The following RYR2 variants were observed in gnomAD, a reference collection of about 807,000 sequenced individuals.
RYR2 encodes ryanodine receptor 2.
RYR2 carries 227 observed loss-of-function variants against 601.1 expected under a neutral mutation model. The ratio of observed to expected loss-of-function variants is 0.38; its 90% CI spans 0.34 to 0.42. The LOEUF is 0.42. Ranked by LOEUF, RYR2 falls within the 10% of genes least tolerant of loss-of-function variation. The probability of loss-of-function intolerance (pLI) is 1.00; values close to 1 mark genes in which losing one functional copy is unlikely to be tolerated. For synonymous variants in RYR2, 2,223 were observed against 2,175.1 expected (o/e 1.02, Z -0.61); for missense variants, 4,646 against 6,156.5 (o/e 0.75, Z 8.21).
At chr1:237,671,534 T>C (rs1359186200) in intron 58 of RYR2, among the ~76,000 whole-genome samples, 2 of 151,672 alleles carry the variant, frequency 1.3e-5, no homozygotes, top group East Asian at 3.9e-4. Context: ...TGTGTGTGTG[T>C]GTGTGCGTGT....
rs1160004017 is a variant in RYR2, at chr1:237,268,935, CAAAAAAAA to C, written c.49-1543_49-1536del. Among the ~76,000 whole-genome samples the C allele has an allele frequency of 5.5e-4, 9 of 16,218 alleles. No individual in the cohort carries two copies. The East Asian group carries it at 0.011, about 20-fold the overall frequency. 10.6% of individuals were successfully genotyped at this position (16,218 alleles called of 152,430 possible). A position where few individuals can be genotyped will look rare whatever the true frequency, so the allele number is the denominator to read the frequency against. On this transcript the variant is annotated intron_variant, in intron 1 of 104. Transcript: ENST00000366574. ...TGGTGACAGAGGAAGACTCTTGTCT[CAAAAAAAA>C]AAAAAAAAAAAAAAAAAAGGAAATA...
chr1:237,512,099 C>T (rs1665976589), intron 24 of RYR2, among the ~76,000 whole-genome samples: 1 of 152,068 alleles, frequency 6.6e-6, no homozygotes, highest in Non-Finnish European at 1.5e-5. Context: ...AGAATGTGGG[C>T]TGTGGACCGG....
intron 1 of RYR2, among the ~76,000 whole-genome samples, chr1:237,261,706 G>A (rs1246709861): frequency 6.6e-6 from 1 of 152,074 alleles, no homozygotes; most frequent in Non-Finnish European, 1.5e-5. Context: ...GACCAGCCTG[G>A]GCAACATGGC....
intron 8 of RYR2, among the ~76,000 whole-genome samples, chr1:237,381,651 G>A (rs1361914881): frequency 1.3e-5 from 2 of 152,156 alleles, no homozygotes; most frequent in East Asian, 1.9e-4. Context: ...CTGGTTGAGA[G>A]GGTTGGTTTT....
chr1:237,631,382 G>A (rs766804230), intron 41 of RYR2, 45 bp from the exon 42 acceptor site: 4 of 1,187,554 alleles, frequency 3.4e-6, no homozygotes, highest in Non-Finnish European at 4.9e-6. Context: ...TAACTATTTA[G>A]ATGTTGCTCT....
intron 14 of RYR2, 57 bp downstream of exon 14, chr1:237,445,579 G>A: frequency 3.1e-6 from 5 of 1,596,178 alleles, no homozygotes; most frequent in Non-Finnish European, 3.4e-6. Context: ...TTCTTTATTG[G>A]ATATGCAAAT....
intron 1 of RYR2, among the ~76,000 whole-genome samples, chr1:237,095,737 G>C (rs185240194): frequency 6.6e-6 from 1 of 152,200 alleles, no homozygotes; most frequent in African/African-American, 2.4e-5. Flanking sequence ...ATGCAAAGGA[G>C]ACCTCTCAGA....
chr1:237,120,017 G>A (rs1014071579), intron 1 of RYR2, among the ~76,000 whole-genome samples: 3 of 152,150 alleles, frequency 2.0e-5, no homozygotes, highest in Non-Finnish European at 1.5e-5. Flanking sequence ...TTAAAAAGCC[G>A]AGGTGGTACC....
chr1:237,324,676 A>G (rs1173964077), intron 2 of RYR2, among the ~76,000 whole-genome samples: 1 of 152,202 alleles, frequency 6.6e-6, no homozygotes, highest in Admixed American at 6.5e-5. Context: ...TTTCCACTTC[A>G]TAGGCAGGGA....
chr1:237,093,678 C>G (rs1667209842), intron 1 of RYR2, among the ~76,000 whole-genome samples: 1 of 152,164 alleles, frequency 6.6e-6, no homozygotes, highest in South Asian at 2.1e-4. Context: ...TTAGGAAAAT[C>G]TCAAGGACCC....
chr1:237,570,254 A>G (rs1672537977), intron 29 of RYR2, among the ~76,000 whole-genome samples: 1 of 151,596 alleles, frequency 6.6e-6, no homozygotes, highest in Non-Finnish European at 1.5e-5. Flanking sequence ...TTGGTGAAGC[A>G]AGGAAGACAT....
chr1:237,050,221 G>T (rs549404834), intron 1 of RYR2, among the ~76,000 whole-genome samples: 1 of 152,208 alleles, frequency 6.6e-6, no homozygotes, highest in Admixed American at 6.5e-5. Context: ...AACCGATGAT[G>T]AGTATCTGCC....
At chr1:237,639,745 G>T (rs1459352224) in intron 46 of RYR2, among the ~76,000 whole-genome samples, 1 of 152,122 alleles carries the variant, frequency 6.6e-6, no homozygotes, top group Non-Finnish European at 1.5e-5. Context: ...CTAGAGTCCA[G>T]TCATCGACAT....
At chr1:237,750,145 C>CA (rs1692423029) in intron 80 of RYR2, among the ~76,000 whole-genome samples, 2 of 151,368 alleles carry the variant, frequency 1.3e-5, no homozygotes, top group South Asian at 2.1e-4. Context: ...GACTCCATCT[C>CA]AAAAAACAAA....
At chr1:237,814,542 A>G (rs1574064600) in intron 100 of RYR2, among the ~76,000 whole-genome samples, 2 of 141,190 alleles carry the variant, frequency 1.4e-5, no homozygotes, top group East Asian at 4.4e-4. Flanking sequence ...GTTATAGACA[A>G]GTCACAGGGG....
chr1:237,079,658 G>A (rs1302782550), intron 1 of RYR2, among the ~76,000 whole-genome samples: 5 of 110,298 alleles, frequency 4.5e-5, no homozygotes, highest in Non-Finnish European at 8.5e-5. Context: ...AACATTCCAT[G>A]CTCATGGGTA....
intron 26 of RYR2, among the ~76,000 whole-genome samples, chr1:237,549,634 T>C (rs1175862918): frequency 7.0e-5 from 10 of 143,326 alleles, no homozygotes; most frequent in Admixed American, 4.8e-4. Context: ...CTTTCTTTTT[T>C]TTTTTTTTTT....
chr1:237,443,959 A>G (rs1016717765), intron 13 of RYR2, among the ~76,000 whole-genome samples: 2 of 152,286 alleles, frequency 1.3e-5, no homozygotes, highest in Admixed American at 6.5e-5. Flanking sequence ...TTCTAAAGAA[A>G]CTGGTCAAAT....
At chr1:237,170,040 G>C (rs1053897513) in intron 1 of RYR2, among the ~76,000 whole-genome samples, 4 of 152,106 alleles carry the variant, frequency 2.6e-5, no homozygotes, top group African/African-American at 9.7e-5. Context: ...TTTCTCCCTT[G>C]AAGTTTATTT....
Sources: gnomAD v4.1 joint callset for allele counts (sites outside exome capture counted in the v4.1 genomes callset) on GRCh38, gnomAD v4.1.1 for gene constraint, MANE v1.5 for transcripts, NCBI Gene and HGNC (gene_info 2026-07-23, HGNC 2026-07-21) for gene names.